PPP2R3A: variants seen among roughly 807,000 people sequenced by gnomAD.
PPP2R3A encodes the protein protein phosphatase 2 regulatory subunit B''alpha.
A neutral mutation model predicts 106.9 loss-of-function variants in PPP2R3A; 80 were observed. That is an observed-to-expected ratio of 0.75 (90% CI 0.62 to 0.90). The LOEUF (loss-of-function observed/expected upper bound fraction) is 0.90. PPP2R3A is among the 40% of genes least tolerant of loss of function. The pLI, the probability that PPP2R3A is intolerant of heterozygous loss-of-function variation, is 0.00. For missense variants in PPP2R3A, 1,386 were observed against 1,350.4 expected (o/e 1.03, Z -0.41); for synonymous variants, 483 against 468.3 (o/e 1.03, Z -0.41).
intron 5 of PPP2R3A, among the ~76,000 whole-genome samples, chr3:136,065,170 G>T (rs1936222366): frequency 6.6e-6 from 1 of 152,146 alleles, no homozygotes; most frequent in South Asian, 2.1e-4. Flanking sequence ...CAAATATTGG[G>T]ATAGGGGAGT....
chr3:136,115,685 A>T (rs1937721457), intron 13 of PPP2R3A, among the ~76,000 whole-genome samples: 1 of 151,978 alleles, frequency 6.6e-6, no homozygotes, highest in South Asian at 2.1e-4. Context: ...TAAAACAAGA[A>T]GATTAGAGAA....
chr3:136,125,929 C>T (rs974662394), intron 13 of PPP2R3A, among the ~76,000 whole-genome samples: 1 of 151,936 alleles, frequency 6.6e-6, no homozygotes, highest in Admixed American at 6.6e-5. Flanking sequence ...TAATTCTCAC[C>T]CAAGTAAGGA....
At chr3:136,115,718 CAA>C (rs990741519) in intron 13 of PPP2R3A, among the ~76,000 whole-genome samples, 1 of 151,786 alleles carries the variant, frequency 6.6e-6, no homozygotes, top group Non-Finnish European at 1.5e-5. Context: ...AAGGAACGAA[CAA>C]AGTCTCCAAG....
chr3:136,110,903 GA>G (rs1014361331), intron 13 of PPP2R3A, among the ~76,000 whole-genome samples: 2 of 151,638 alleles, frequency 1.3e-5, no homozygotes, highest in African/African-American at 4.8e-5. Context: ...CTACCAGAAA[GA>G]AAAAAACATT....
intron 13 of PPP2R3A, among the ~76,000 whole-genome samples, chr3:136,119,766 TAA>T (rs1937921006): frequency 6.6e-6 from 1 of 152,156 alleles, no homozygotes; most frequent in Non-Finnish European, 1.5e-5. Context: ...TGTGGGAGTA[TAA>T]GTTAGTTCAA....
chr3:136,023,189 T>G, intron 2 of PPP2R3A: 1 of 1,612,104 alleles, frequency 6.2e-7, no homozygotes, highest in Non-Finnish European at 8.5e-7. Context: ...TGAAGTCATT[T>G]CAGCAGACAC....
chr3:136,143,030 C>T (rs539120852), intron 13 of PPP2R3A, among the ~76,000 whole-genome samples: 1 of 152,228 alleles, frequency 6.6e-6, no homozygotes, highest in South Asian at 2.1e-4. Flanking sequence ...GCATTGAGGC[C>T]TCAAGGAGAT....
chr3:136,083,315 G>A (rs1490632435), intron 8 of PPP2R3A, among the ~76,000 whole-genome samples: 6 of 152,174 alleles, frequency 3.9e-5, no homozygotes, highest in Non-Finnish European at 8.8e-5. Context: ...AATCATGGGA[G>A]TGGGTCTTTC....
intron 5 of PPP2R3A, chr3:136,055,653 A>C (rs1935836297): frequency 9.6e-6 from 12 of 1,247,232 alleles, no homozygotes; most frequent in Non-Finnish European, 1.4e-5. Context: ...TACTTGATAC[A>C]GAGGTTGTTC....
At chr3:136,023,162 A>G (rs1360102034) in intron 2 of PPP2R3A, 1 of 1,613,518 alleles carries the variant, frequency 6.2e-7, no homozygotes, top group African/African-American at 1.3e-5. Flanking sequence ...TTCTCCCTTC[A>G]CGGTTTAAGA....
At chr3:136,103,455 C>A in intron 12 of PPP2R3A, 79 bp downstream of exon 12, 1 of 982,430 alleles carries the variant, frequency 1.0e-6, no homozygotes, top group Non-Finnish European at 1.5e-6. Context: ...ATGGTCTCTG[C>A]ATGCTGGAAT....
In PPP2R3A at chr3:136,002,174, G is replaced by A. The variant is rs867236760; in HGVS notation, c.676G>A (p.Gly226Arg). Residue 226 changes from glycine (G) to arginine (R), a missense_variant, in exon 2 of 14, where the codon GGG becomes AGG. Coordinates refer to ENST00000264977, the MANE Select transcript of PPP2R3A (RefSeq NM_002718.5). ...EKHKIDNFSSGTDIKMCLDIL... is the reference protein window; with the variant it reads ...EKHKIDNFSSRTDIKMCLDIL... ...ACATAAAATAGATAATTTTTCTTCT[G>A]GGACAGACATAAAGATGTGCTTGGA... 7 of 1,613,156 alleles carry A rather than the reference G, an allele frequency of 4.3e-6. No homozygotes were observed. The highest frequency in any genetic ancestry group is 5.9e-6 in the Non-Finnish European group (7 of 1,179,812).
At chr3:136,032,387 G>A (rs1175982510) in intron 3 of PPP2R3A, among the ~76,000 whole-genome samples, 5 of 151,954 alleles carry the variant, frequency 3.3e-5, no homozygotes, top group Non-Finnish European at 5.9e-5. Flanking sequence ...TTTTGTCTTC[G>A]AAAACTTTGC....
intron 5 of PPP2R3A, among the ~76,000 whole-genome samples, chr3:136,068,543 G>C (rs1485352453): frequency 6.6e-6 from 1 of 151,954 alleles, no homozygotes; most frequent in Non-Finnish European, 1.5e-5. Flanking sequence ...GAAATAAATA[G>C]GAGAGAAGAG....
intron 3 of PPP2R3A, among the ~76,000 whole-genome samples, chr3:136,029,930 G>C (rs367638452): frequency 1.3e-5 from 2 of 152,192 alleles, no homozygotes; most frequent in Non-Finnish European, 2.9e-5. Flanking sequence ...GAGGATGCGT[G>C]GCCAGGCACA....
At chr3:136,120,521 G>A (rs192180245) in intron 13 of PPP2R3A, among the ~76,000 whole-genome samples, 76 of 152,166 alleles carry the variant, frequency 5.0e-4, no homozygotes, top group African/African-American at 1.8e-3. Flanking sequence ...TTGGGAGGCG[G>A]AGGTTGCAGT....
At chr3:136,029,294 A>G (rs1934780858) in intron 3 of PPP2R3A, among the ~76,000 whole-genome samples, 1 of 152,158 alleles carries the variant, frequency 6.6e-6, no homozygotes, top group Admixed American at 6.5e-5. Context: ...CTTCCTCTGA[A>G]TATTCCCAAC....
chr3:136,125,791 T>C (rs1938158104), intron 13 of PPP2R3A, among the ~76,000 whole-genome samples: 2 of 152,210 alleles, frequency 1.3e-5, no homozygotes, highest in African/African-American at 4.8e-5. Flanking sequence ...TTATATACCA[T>C]AACTAAGTGC....
chr3:136,009,288 C>T (rs542105927), intron 2 of PPP2R3A, among the ~76,000 whole-genome samples: 1 of 152,262 alleles, frequency 6.6e-6, no homozygotes, highest in African/African-American at 2.4e-5. Context: ...GACTATTCTC[C>T]TGGCTGCCTC....
Sources: allele counts gnomAD v4.1 joint callset (sites outside exome capture counted in the v4.1 genomes callset), GRCh38; gene constraint gnomAD v4.1.1; transcripts MANE v1.5; gene names NCBI Gene and HGNC (gene_info 2026-07-23, HGNC 2026-07-21).